COL4A2: variants seen among roughly 807,000 people sequenced by gnomAD.
COL4A2 encodes collagen alpha-2(IV) chain.
COL4A2 carries 99 observed loss-of-function variants against 200.2 expected under a neutral mutation model. The observed-to-expected ratio is 0.49, with a 90% CI of 0.42 to 0.58. The LOEUF (loss-of-function observed/expected upper bound fraction) is 0.58. Among genes scored for constraint, COL4A2 ranks in the 20% least tolerant of loss-of-function variants. The pLI is 0.00. For synonymous variants in COL4A2, 897 were observed against 900.6 expected (o/e 1.00, Z 0.07); for missense variants, 1,950 against 2,314.1 (o/e 0.84, Z 3.23).
At position 110,512,271 on chromosome 13, in the gene COL4A2, A is replaced by AT. The variant is rs1884112786; in HGVS notation, c.*87dup. The AT allele has an allele frequency of 3.5e-6, 5 of 1,429,208 alleles. No homozygotes were observed. Among genetic ancestry groups the AT allele is most frequent in the Non-Finnish European group, 4.6e-6 (5 of 1,098,378 alleles). 88.5% of individuals were successfully genotyped at this position (1,429,208 alleles called of 1,614,324 possible). ...AGGTGCCAACCCAAAAATTGGTTTT[A>AT]TTTTTTTCTTAAAAAAAAAAAAGTC... is the stretch of plus-strand genomic sequence containing the variant. On this transcript the variant is annotated 3_prime_UTR_variant, in exon 48 of 48. Transcript: ENST00000360467.
intron 3 of COL4A2, among the ~76,000 whole-genome samples, chr13:110,317,674 G>GAGT (rs1336477670): frequency 4.3e-4 from 65 of 152,320 alleles, no homozygotes; most frequent in Non-Finnish European, 7.3e-5. Context: ...GCAGAACCAA[G>GAGT]AGTCCTGCAG....
At chr13:110,438,467 T>C (rs959331626) in intron 14 of COL4A2, 151 bp from the exon 15 acceptor site, 57 of 1,034,232 alleles carry the variant, frequency 5.5e-5, no homozygotes, top group Non-Finnish European at 8.5e-5. Flanking sequence ...GACCGTGCCC[T>C]GCACTGCGCC....
At chr13:110,430,674 C>A in intron 10 of COL4A2, 67 bp downstream of exon 10, 1 of 1,598,696 alleles carries the variant, frequency 6.3e-7, no homozygotes, top group Non-Finnish European at 8.6e-7. Context: ...GATGCCACTT[C>A]TTCAATGGTT....
chr13:110,418,349 G>A (rs538498785), intron 4 of COL4A2, among the ~76,000 whole-genome samples: 12 of 152,244 alleles, frequency 7.9e-5, no homozygotes, highest in Middle Eastern at 6.8e-3. Flanking sequence ...TGTATCTTTT[G>A]ACAATCAAAC....
At chr13:110,493,443 C>T (rs529357499) in intron 39 of COL4A2, among the ~76,000 whole-genome samples, 161 bp downstream of exon 39, 1 of 152,278 alleles carries the variant, frequency 6.6e-6, no homozygotes, top group Non-Finnish European at 1.5e-5. Context: ...GGGTCCGGGC[C>T]CTGTGGTCCT....
chr13:110,386,754 T>C (rs1311407854), intron 4 of COL4A2, among the ~76,000 whole-genome samples: 2 of 152,040 alleles, frequency 1.3e-5, no homozygotes, highest in Non-Finnish European at 2.9e-5. Flanking sequence ...AAAAGAAAAG[T>C]GAGATGCTTA....
intron 26 of COL4A2, among the ~76,000 whole-genome samples, chr13:110,466,680 TG>T (rs1285133878): frequency 6.6e-6 from 1 of 152,230 alleles, no homozygotes; most frequent in Non-Finnish European, 1.5e-5. Context: ...TGCTGGCAGA[TG>T]CTTCCAGACA....
In COL4A2 at chr13:110,478,102, G is replaced by T; in HGVS notation, c.2525G>T (p.Gly842Val). ...CTGTATGGGCCTCCAGGACTGCATG[G>T]ATTCCCAGGAGCTCCTGGCCAAGAG... The part of the protein sequence containing the change: ...PGLYGPPGLH[G>V]FPGAPGQEGP... Residue 842 changes from glycine to valine, a missense_variant, in exon 30 of 48, where the codon GGA becomes GTA. Physicochemically the swap from Gly to Val is moderately radical, Grantham distance 109. This residue lies in a region of COL4A2 where 1,385 missense variants were observed against 1,720.5 expected (regional missense o/e 0.80). Transcript: ENST00000360467. The T allele has an allele frequency of 6.2e-7, 1 of 1,604,014 alleles. No homozygotes were observed. Among genetic ancestry groups the T allele is most frequent in the Non-Finnish European group, 8.5e-7 (1 of 1,174,204 alleles).
At chr13:110,387,177 T>G (rs1021903230) in intron 4 of COL4A2, among the ~76,000 whole-genome samples, 2 of 152,102 alleles carry the variant, frequency 1.3e-5, no homozygotes, top group African/African-American at 4.8e-5. Context: ...AGGTGGAGGT[T>G]GCAGTGAGCC....
intron 4 of COL4A2, among the ~76,000 whole-genome samples, chr13:110,401,787 T>C (rs1051986580): frequency 2.0e-5 from 3 of 152,170 alleles, no homozygotes; most frequent in African/African-American, 7.2e-5. Context: ...TTTCTCACTG[T>C]TCTAGAGGCT....
rs536153193 is a variant in COL4A2 at position 110,393,348 on chromosome 13, T to A, written c.181-31386T>A. ...TCCCATCCAAGAATAATTTCAAAAG[T>A]TTGGAATTTATAAATGGCAATACTT... On this transcript the variant is annotated intron_variant, in intron 4 of 47. Transcript: ENST00000360467. Among the ~76,000 whole-genome samples the A allele has an allele frequency of 1.4e-3, 215 of 152,314 alleles. 1 individual carries two copies. Among genetic ancestry groups the A allele is most frequent in the African/African-American group, 4.8e-3 (199 of 41,580 alleles).
At chr13:110,498,792 T>C (rs1017623086) in intron 40 of COL4A2, among the ~76,000 whole-genome samples, 5 of 152,254 alleles carry the variant, frequency 3.3e-5, no homozygotes, top group African/African-American at 1.2e-4. Context: ...ATTACACATT[T>C]GATCTGTGTG....
chr13:110,453,999 T>C (rs1881630474), intron 20 of COL4A2, among the ~76,000 whole-genome samples: 1 of 152,220 alleles, frequency 6.6e-6, no homozygotes, highest in Admixed American at 6.5e-5. Flanking sequence ...TCATCCTGTT[T>C]TATAGGTTGC....
Position 110,436,636 on chromosome 13 carries a change from A to G in COL4A2, c.825+269A>G, listed in dbSNP as rs76275108. Reference sequence around the variant, plus strand: ...AGAGAATTCATTTAAAAAAAAACTTATATCTATCCTTACATTCAGTGTAGG... The same window carrying G: ...AGAGAATTCATTTAAAAAAAAACTTGTATCTATCCTTACATTCAGTGTAGG... On this transcript the variant is annotated intron_variant, in intron 13 of 47. Transcript: ENST00000360467. 7.8e-3 allele frequency among the ~76,000 whole-genome samples: 1,191 copies of G among 152,084 alleles called. 17 individuals carry two copies. Among genetic ancestry groups the G allele is most frequent in the African/African-American group, 0.026 (1,092 of 41,470 alleles).
chr13:110,403,175 A>C lies in COL4A2; in HGVS notation c.181-21559A>C, dbSNP rs186118726. ...CTTTATCAAATGTTTGCTTGGCTACAATCTCGATGTTCTCTGCTGAACATG... is the reference window on the plus strand; with the variant it reads ...CTTTATCAAATGTTTGCTTGGCTACCATCTCGATGTTCTCTGCTGAACATG... On this transcript the variant is annotated intron_variant, in intron 4 of 47. Transcript: ENST00000360467. Among the ~76,000 whole-genome samples the C allele has an allele frequency of 4.6e-5, 7 of 152,318 alleles. No homozygotes were observed. The East Asian group carries it at 1.2e-3, about 25-fold the overall frequency.
intron 18 of COL4A2, among the ~76,000 whole-genome samples, chr13:110,448,529 C>T (rs1419217475): frequency 6.6e-6 from 1 of 152,178 alleles, no homozygotes. Context: ...CAGATTCCCT[C>T]AGGGAAAAGA....
chr13:110,430,312 T>C lies in COL4A2; in HGVS notation c.550-89T>C, dbSNP rs76800590. 2.8e-4 allele frequency: 432 copies of C among 1,548,070 alleles called. 3 individuals are homozygous for C. The East Asian group carries it at 4.3e-3, about 16-fold the overall frequency. On this transcript the variant is annotated intron_variant, in intron 8 of 47. Transcript: ENST00000360467. The stretch of plus-strand genomic sequence containing the variant: ...GTCCTGATAGGGCTGATCTGTTTGA[T>C]ATGCTTATTTCCAACTCTGCAATAA...
intron 3 of COL4A2, among the ~76,000 whole-genome samples, chr13:110,318,301 A>G (rs1885193332): frequency 6.6e-6 from 1 of 151,876 alleles, no homozygotes; most frequent in African/African-American, 2.4e-5. Context: ...AAGTCTGATC[A>G]GTGTGTGTGT....
At chr13:110,329,755 C>T (rs1454878067) in intron 3 of COL4A2, among the ~76,000 whole-genome samples, 1 of 152,110 alleles carries the variant, frequency 6.6e-6, no homozygotes, top group Non-Finnish European at 1.5e-5. Flanking sequence ...TGAAGTACTT[C>T]GGTGGATGCA....
Sources: gnomAD v4.1 joint callset for allele counts (sites outside exome capture counted in the v4.1 genomes callset) on GRCh38, gnomAD v4.1.1 for gene constraint, gnomAD v4.1.1 regional missense constraint, MANE v1.5 for transcripts, NCBI Gene and HGNC (gene_info 2026-07-23, HGNC 2026-07-21) for gene names.